Variants in SEMA4D observed in about 807,000 individuals in gnomAD.
The protein encoded by SEMA4D is semaphorin 4D, also known as semaphorin-4D.
Under a neutral mutation model 74.8 loss-of-function variants are expected in SEMA4D, and 22 were observed. That is an observed-to-expected ratio of 0.29 (90% CI 0.21 to 0.42). The LOEUF is 0.42. Ranked by LOEUF, SEMA4D falls within the 10% of genes least tolerant of loss-of-function variation. The pLI, the probability that SEMA4D is intolerant of heterozygous loss-of-function variation, is 1.00. For synonymous variants in SEMA4D, 445 were observed against 463.7 expected, an observed-to-expected ratio of 0.96 and a Z score of 0.52; for missense variants, 937 against 1,118.4, an observed-to-expected ratio of 0.84 and a Z score of 2.31.
chr9:89,372,920 G>A (rs1358461521), downstream of SEMA4D, among the ~76,000 whole-genome samples: 12 of 152,118 alleles, frequency 7.9e-5, no homozygotes, highest in Admixed American at 6.5e-5. Flanking sequence ...GGATCTTTCC[G>A]TATCATCTTC....
At chr9:89,463,444 A>T (rs1857832054) in intron 1 of SEMA4D, among the ~76,000 whole-genome samples, 1 of 152,098 alleles carries the variant, frequency 6.6e-6, no homozygotes, top group Non-Finnish European at 1.5e-5. Flanking sequence ...CCAGGTGCTA[A>T]ATCTGTTCAG....
At chr9:89,426,074 C>T (rs767670477) in intron 2 of SEMA4D, among the ~76,000 whole-genome samples, 1 of 152,224 alleles carries the variant, frequency 6.6e-6, no homozygotes, top group Admixed American at 6.5e-5. Flanking sequence ...TCCCTAGTCC[C>T]CACCAAGTGT....
rs549220398 is a variant in SEMA4D, at chr9:89,465,558, T to C, written c.-309-9605A>G. Among the ~76,000 whole-genome samples the C allele has an allele frequency of 1.8e-4, 28 of 152,292 alleles. No individual in the cohort carries two copies. In the South Asian group the frequency reaches 5.4e-3, roughly 29 times the overall value. ...TCTTGGAGCTAGAGGTTGCACAACA[T>C]TGCAAATGTACTAACTGCCATGGAA... On this transcript the variant is annotated intron_variant, in intron 1 of 15. Transcript: ENST00000422704.
chr9:89,374,465 C>G (rs556976508), downstream of SEMA4D, among the ~76,000 whole-genome samples: 3 of 152,208 alleles, frequency 2.0e-5, no homozygotes, highest in Non-Finnish European at 4.4e-5. Context: ...GCAGATCACA[C>G]GGCCACAGCC....
chr9:89,485,323 C>T (rs911695802), intron 1 of SEMA4D, among the ~76,000 whole-genome samples: 2 of 152,146 alleles, frequency 1.3e-5, no homozygotes, highest in Non-Finnish European at 2.9e-5. Flanking sequence ...GCACATCCTG[C>T]CTAACTATTT....
chr9:89,392,420 T>C lies in SEMA4D; in HGVS notation c.622+3A>G. On this transcript the variant is annotated splice_donor_region_variant and intron_variant, in intron 8 of 15. Transcript: ENST00000422704. Reference sequence around the variant, plus strand: ...CCCACTAAGGTGCACTGCTCTTCCTTACCGTTCAGCCAAGGGATTGCATAT... The same window carrying C: ...CCCACTAAGGTGCACTGCTCTTCCTCACCGTTCAGCCAAGGGATTGCATAT... 1 of 1,603,150 alleles carries C rather than the reference T, an allele frequency of 6.2e-7. No homozygotes were observed. Among genetic ancestry groups the C allele is most frequent in the South Asian group, 1.1e-5 (1 of 90,858 alleles).
intron 2 of SEMA4D, among the ~76,000 whole-genome samples, chr9:89,430,185 C>G (rs993423464): frequency 8.5e-5 from 13 of 152,096 alleles, no homozygotes; most frequent in Non-Finnish European, 1.6e-4. Flanking sequence ...AGAACATACA[C>G]CACAAAATTT....
intron 2 of SEMA4D, among the ~76,000 whole-genome samples, chr9:89,435,610 A>C (rs1355845444): frequency 6.6e-6 from 1 of 152,088 alleles, no homozygotes; most frequent in East Asian, 1.9e-4. Flanking sequence ...GATTTACAGA[A>C]CCCAGGGACA....
intron 1 of SEMA4D, among the ~76,000 whole-genome samples, chr9:89,481,742 C>T (rs1824714511): frequency 6.6e-6 from 1 of 152,228 alleles, no homozygotes; most frequent in African/African-American, 2.4e-5. Context: ...GGCACACAGA[C>T]TCAAGCCAGC....
At chr9:89,448,082 C>A (rs370292258) in intron 2 of SEMA4D, among the ~76,000 whole-genome samples, 4 of 152,194 alleles carry the variant, frequency 2.6e-5, no homozygotes, top group South Asian at 2.1e-4. Context: ...TTAAGTCACA[C>A]TCCCACCTCA....
At chr9:89,447,482 C>T (rs1853202788) in intron 2 of SEMA4D, among the ~76,000 whole-genome samples, 1 of 152,068 alleles carries the variant, frequency 6.6e-6, no homozygotes, top group Non-Finnish European at 1.5e-5. Context: ...GGCCAAAATC[C>T]AGGGTGTTCT....
chr9:89,395,027 C>A (rs182849626), intron 6 of SEMA4D, among the ~76,000 whole-genome samples: 1 of 152,318 alleles, frequency 6.6e-6, no homozygotes, highest in Non-Finnish European at 1.5e-5. Flanking sequence ...CATGCACAGG[C>A]ACACAGACAC....
At chr9:89,386,886 G>A (rs71510299) in intron 12 of SEMA4D, 18,157 of 217,760 alleles carry the variant, frequency 0.083, 1,051 homozygotes, top group Non-Finnish European at 0.12. Context: ...AGGCTCCAAG[G>A]GCAGGCCACA....
At chr9:89,387,835 C>T (rs552033999) in intron 11 of SEMA4D, among the ~76,000 whole-genome samples, 13 of 152,160 alleles carry the variant, frequency 8.5e-5, no homozygotes, top group African/African-American at 2.9e-4. Flanking sequence ...ATTGCATTCA[C>T]GATACATACT....
intron 2 of SEMA4D, among the ~76,000 whole-genome samples, chr9:89,429,633 G>C (rs530225379): frequency 6.6e-6 from 1 of 152,218 alleles, no homozygotes; most frequent in African/African-American, 2.4e-5. Flanking sequence ...CTCAAGCTTG[G>C]AGCCTGGTGA....
chr9:89,406,648 C>G (rs1348411084), intron 2 of SEMA4D, among the ~76,000 whole-genome samples: 1 of 152,334 alleles, frequency 6.6e-6, no homozygotes, highest in East Asian at 1.9e-4. Context: ...CTGAGCTGGG[C>G]ACCCAGTGAT....
intron 3 of SEMA4D, among the ~76,000 whole-genome samples, chr9:89,403,690 C>T (rs1842666621): frequency 6.6e-6 from 1 of 152,098 alleles, no homozygotes; most frequent in African/African-American, 2.4e-5. Flanking sequence ...TTTTTAGGAC[C>T]TGTTTCTTCA....
At chr9:89,415,001 A>T (rs753086387) in intron 2 of SEMA4D, among the ~76,000 whole-genome samples, 1 of 152,226 alleles carries the variant, frequency 6.6e-6, no homozygotes, top group African/African-American at 2.4e-5. Context: ...TCTATCAGCA[A>T]TGTCGGCAGG....
chr9:89,429,966 C>A (rs1848912001), intron 2 of SEMA4D, among the ~76,000 whole-genome samples: 1 of 151,878 alleles, frequency 6.6e-6, no homozygotes, highest in Non-Finnish European at 1.5e-5. Flanking sequence ...AAGAAAACCT[C>A]ATTAAAAACT....
Sources: allele counts gnomAD v4.1 joint callset (sites outside exome capture counted in the v4.1 genomes callset), GRCh38; gene constraint gnomAD v4.1.1; transcripts MANE v1.5; gene names NCBI Gene and HGNC (gene_info 2026-07-23, HGNC 2026-07-21).